The following MGRN1 variants were observed in gnomAD, a reference collection of about 807,000 sequenced individuals.
MGRN1 encodes E3 ubiquitin-protein ligase MGRN1.
MGRN1 carries 29 observed loss-of-function variants against 69.2 expected under a neutral mutation model. The ratio of observed to expected loss-of-function variants is 0.42; its 90% CI spans 0.31 to 0.57. MGRN1 has a LOEUF of 0.57. Among genes scored for constraint, MGRN1 ranks in the 20% least tolerant of loss-of-function variants. MGRN1 has a pLI of 0.15. For missense variants in MGRN1, 998 were observed against 796.2 expected, an observed-to-expected ratio of 1.25 and a Z score of -3.05; for synonymous variants, 470 against 344.2, an observed-to-expected ratio of 1.37 and a Z score of -4.04.
At chr16:4,631,751 C>A (rs1052143493) in intron 1 of MGRN1, among the ~76,000 whole-genome samples, 2 of 152,092 alleles carry the variant, frequency 1.3e-5, no homozygotes, top group African/African-American at 4.8e-5. Context: ...ATTAGCCTGT[C>A]AATTATTTCT....
At chr16:4,636,665 G>A (rs1646185619) in intron 1 of MGRN1, among the ~76,000 whole-genome samples, 1 of 152,182 alleles carries the variant, frequency 6.6e-6, no homozygotes, top group Non-Finnish European at 1.5e-5. Context: ...TAGGTAGGGT[G>A]AGGGGTGTGT....
chr16:4,687,688 GGTCTTGGCACACAAGC>G lies in MGRN1; in HGVS notation c.1619-1107_1619-1092del, dbSNP rs2079363407. ...TTGGGGACCCTCTGCCTTCCCAGAG[GGTCTTGGCACACAAGC>G]TGCGTGCAGCTCTGGTCTGCCGAGG... On this transcript the variant is annotated intron_variant, in intron 16 of 16. Coordinates refer to ENST00000262370, the MANE Select transcript of MGRN1 (RefSeq NM_015246.4). The G allele has an allele frequency of 5.1e-6, 5 of 985,256 alleles. No homozygotes were observed. In the South Asian group the frequency reaches 2.3e-4, roughly 46 times the overall value. The allele number at this position is 985,256 out of a possible 1,614,324, so 61.0% of individuals were successfully genotyped here. A position where few individuals can be genotyped will look rare whatever the true frequency, so the allele number is the denominator to read the frequency against.
At chr16:4,656,832 A>G (rs2078551137) in intron 4 of MGRN1, among the ~76,000 whole-genome samples, 1 of 152,144 alleles carries the variant, frequency 6.6e-6, no homozygotes, top group Admixed American at 6.5e-5. Context: ...GTGAGCTGAG[A>G]TCACAACACT....
Position 4,689,883 on chromosome 16 carries a change from A to C in MGRN1, c.*975A>C, listed in dbSNP as rs1367321895. The C allele has an allele frequency of 4.0e-5, 6 of 150,948 alleles. No homozygotes were observed. Among genetic ancestry groups the C allele is most frequent in the Non-Finnish European group, 7.4e-5 (5 of 67,958 alleles). 9.4% of individuals were successfully genotyped at this position (150,948 alleles called of 1,614,324 possible). A position where few individuals can be genotyped will look rare whatever the true frequency, so the allele number is the denominator to read the frequency against. Reference sequence around the variant, plus strand: ...CGGGTTCAAGTGATCGTCCTGCCTTAGGCTCCTGAGTAGCTGGGGATTACA... The same window carrying C: ...CGGGTTCAAGTGATCGTCCTGCCTTCGGCTCCTGAGTAGCTGGGGATTACA... On this transcript the variant is annotated 3_prime_UTR_variant, in exon 17 of 17. Coordinates refer to ENST00000262370, the MANE Select transcript of MGRN1 (RefSeq NM_015246.4).
chr16:4,678,464 CAG>C (rs1055212375), intron 11 of MGRN1, among the ~76,000 whole-genome samples: 31 of 151,136 alleles, frequency 2.1e-4, no homozygotes, highest in Non-Finnish European at 1.9e-4. Context: ...AAGGGAGAGA[CAG>C]AGAAAGATGT....
At chr16:4,660,847 C>G (rs1265013109) in intron 5 of MGRN1, among the ~76,000 whole-genome samples, 1 of 152,226 alleles carries the variant, frequency 6.6e-6, no homozygotes, top group South Asian at 2.1e-4. Context: ...TGACAGGCCC[C>G]CCAGACCGGG....
intron 5 of MGRN1, among the ~76,000 whole-genome samples, chr16:4,663,634 A>T (rs544449733): frequency 4.9e-4 from 74 of 152,158 alleles, no homozygotes; most frequent in African/African-American, 1.6e-3. Flanking sequence ...CCCTCTATGG[A>T]GGGAGTCAGG....
chr16:4,671,382 GC>G lies in MGRN1; in HGVS notation c.727-8del. On this transcript the variant is annotated splice_region_variant and splice_polypyrimidine_tract_variant and intron_variant, in intron 8 of 16. Transcript: ENST00000262370. ...GCGAGGGCCCAGTGAGCCCCTCTCT[GC>G]TCTCCAGGTGGACCGGGTCAGCTAC... 6.2e-7 allele frequency: 1 copy of G among 1,614,042 alleles called. No homozygotes were observed. Among genetic ancestry groups the G allele is most frequent in the Non-Finnish European group, 8.5e-7 (1 of 1,179,952 alleles).
intron 1 of MGRN1, among the ~76,000 whole-genome samples, chr16:4,625,476 A>AGTC (rs1218433324): frequency 5.9e-5 from 9 of 152,162 alleles, no homozygotes; most frequent in Non-Finnish European, 1.3e-4. Flanking sequence ...CTTGGTGTGA[A>AGTC]GGCCGAGCCA....
chr16:4,638,751 G>T (rs1198086271), intron 1 of MGRN1, among the ~76,000 whole-genome samples: 1 of 152,230 alleles, frequency 6.6e-6, no homozygotes, highest in Admixed American at 6.5e-5. Flanking sequence ...CACCTGTCCT[G>T]TTAGAACACG....
chr16:4,665,756 G>C (rs1002159402), intron 7 of MGRN1, among the ~76,000 whole-genome samples: 20 of 147,090 alleles, frequency 1.4e-4, no homozygotes, highest in Non-Finnish European at 2.2e-4. Context: ...TGCAACCTCT[G>C]CCTCCCAGGT....
At chr16:4,648,080 G>C (rs2078311765) in intron 1 of MGRN1, among the ~76,000 whole-genome samples, 1 of 152,182 alleles carries the variant, frequency 6.6e-6, no homozygotes, top group Non-Finnish European at 1.5e-5. Context: ...CCTGGCCTCA[G>C]GTGGGAATTC....
chr16:4,649,961 C>G (rs2078364148), intron 1 of MGRN1: 1 of 163,284 alleles, frequency 6.1e-6, no homozygotes, highest in African/African-American at 2.4e-5. Flanking sequence ...GGCCGAGCTT[C>G]TTGGCCGTCA....
chr16:4,629,149 T>C (rs1312121251), intron 1 of MGRN1, among the ~76,000 whole-genome samples: 1 of 111,106 alleles, frequency 9.0e-6, no homozygotes, highest in African/African-American at 4.0e-5. Flanking sequence ...TTTCTGTTCG[T>C]ATGTGTGTGT....
intron 1 of MGRN1, among the ~76,000 whole-genome samples, chr16:4,625,884 A>C (rs1174102734): frequency 5.9e-5 from 9 of 152,216 alleles, no homozygotes; most frequent in Non-Finnish European, 1.2e-4. Flanking sequence ...CTTGGGCATC[A>C]TGGGGACATC....
chr16:4,686,338 G>A, intron 16 of MGRN1: 1 of 1,540,644 alleles, frequency 6.5e-7, no homozygotes, highest in South Asian at 1.2e-5. Flanking sequence ...CGGGGGCTCT[G>A]ACGCGCGTCC....
At chr16:4,654,724 C>G (rs933058865) in intron 4 of MGRN1, among the ~76,000 whole-genome samples, 4 of 152,200 alleles carry the variant, frequency 2.6e-5, no homozygotes, top group African/African-American at 9.7e-5. Flanking sequence ...TGTGCACAGC[C>G]CCTCGCGTGA....
At position 4,689,314 on chromosome 16, in the gene MGRN1, T is replaced by G. The variant is rs571851660; in HGVS notation, c.*406T>G. On this transcript the variant is annotated 3_prime_UTR_variant, in exon 17 of 17. Coordinates refer to ENST00000262370, the MANE Select transcript of MGRN1 (RefSeq NM_015246.4). The stretch of plus-strand genomic sequence containing the variant: ...ACTGATTGGTGGTCGAAGCACCATC[T>G]TCACAGATGTTCAGGGGCAGTGGGG... 1.6e-3 allele frequency: 267 copies of G among 168,494 alleles called. 1 individual carries two copies. Among genetic ancestry groups the G allele is most frequent in the African/African-American group, 6.2e-3 (263 of 42,276 alleles). 10.4% of individuals were successfully genotyped at this position (168,494 alleles called of 1,614,324 possible).
At chr16:4,674,616 C>CTTTT (rs2079014015) in intron 10 of MGRN1, among the ~76,000 whole-genome samples, 1 of 71,412 alleles carries the variant, frequency 1.4e-5, no homozygotes, top group Admixed American at 1.6e-4. Context: ...TTTTTCTTTT[C>CTTTT]TTTTCTTTTC....
Sources: allele counts gnomAD v4.1 joint callset (sites outside exome capture counted in the v4.1 genomes callset), GRCh38; gene constraint gnomAD v4.1.1; transcripts MANE v1.5; gene names NCBI Gene and HGNC (gene_info 2026-07-23, HGNC 2026-07-21).